ARHGAP15: variants seen among roughly 807,000 people sequenced by gnomAD.
ARHGAP15 encodes Rho GTPase activating protein 15.
A neutral mutation model predicts 63.7 loss-of-function variants in ARHGAP15; 51 were observed. The ratio of observed to expected loss-of-function variants is 0.80; its 90% CI spans 0.64 to 1.01. The LOEUF (loss-of-function observed/expected upper bound fraction) is 1.01, where lower values mean the gene tolerates loss of function less well. ARHGAP15 is among the 50% of genes least tolerant of loss of function. The probability of loss-of-function intolerance (pLI) is 0.00; values close to 1 mark genes in which losing one functional copy is unlikely to be tolerated. For synonymous variants in ARHGAP15, 191 were observed against 193.8 expected (o/e 0.99, Z 0.12); for missense variants, 560 against 564.6 (o/e 0.99, Z 0.08).
At chr2:143,315,383 T>C (rs1683653704) in intron 6 of ARHGAP15, among the ~76,000 whole-genome samples, 1 of 152,230 alleles carries the variant, frequency 6.6e-6, no homozygotes, top group Non-Finnish European at 1.5e-5. Context: ...CCAATTCTAT[T>C]AATTTGTCAT....
chr2:143,651,993 C>T (rs10209245), intron 12 of ARHGAP15, among the ~76,000 whole-genome samples: 123,726 of 151,930 alleles, frequency 0.81, 52,359 homozygotes, highest in South Asian at 0.96. Context: ...TTTGTCATCT[C>T]TGCATTTTTA....
At chr2:143,657,093 T>C (rs781563224) in intron 12 of ARHGAP15, among the ~76,000 whole-genome samples, 3 of 152,180 alleles carry the variant, frequency 2.0e-5, no homozygotes, top group Non-Finnish European at 4.4e-5. Flanking sequence ...ACGCCTGTAA[T>C]CCCAGCACTT....
At chr2:143,322,153 A>C (rs934240985) in intron 6 of ARHGAP15, among the ~76,000 whole-genome samples, 1 of 151,524 alleles carries the variant, frequency 6.6e-6, no homozygotes, top group Non-Finnish European at 1.5e-5. Flanking sequence ...CCGCTCAACC[A>C]CTCCCTGCCA....
chr2:143,589,737 G>T (rs943547496), intron 11 of ARHGAP15, among the ~76,000 whole-genome samples: 2 of 152,124 alleles, frequency 1.3e-5, no homozygotes, highest in Non-Finnish European at 2.9e-5. Flanking sequence ...ATATAAAGAT[G>T]GGTAGGATGA....
chr2:143,351,209 C>G (rs1685554700), intron 6 of ARHGAP15: 1 of 152,174 alleles, frequency 6.6e-6, no homozygotes, highest in East Asian at 1.9e-4. Context: ...ATAAGGACTA[C>G]TAGTCTATTC....
intron 6 of ARHGAP15, among the ~76,000 whole-genome samples, chr2:143,383,196 A>G (rs1050807717): frequency 1.3e-5 from 2 of 152,204 alleles, no homozygotes; most frequent in Non-Finnish European, 2.9e-5. Flanking sequence ...TAGAAATGAC[A>G]TTTCAGAACT....
chr2:143,306,484 A>G (rs1683176453), intron 6 of ARHGAP15, among the ~76,000 whole-genome samples: 3 of 152,160 alleles, frequency 2.0e-5, no homozygotes, highest in Admixed American at 2.0e-4. Context: ...GCTAATAATC[A>G]TATATAATAA....
intron 9 of ARHGAP15, among the ~76,000 whole-genome samples, chr2:143,511,115 A>G (rs2104959708): frequency 6.6e-6 from 1 of 152,366 alleles, no homozygotes; most frequent in East Asian, 1.9e-4. Context: ...TGGAAGACTT[A>G]ACCTGGTTAT....
intron 2 of ARHGAP15, among the ~76,000 whole-genome samples, chr2:143,158,666 G>A (rs1690175228): frequency 6.6e-6 from 1 of 151,910 alleles, no homozygotes; most frequent in Admixed American, 6.6e-5. Flanking sequence ...AGAGAGATCT[G>A]GAGAGCTCCC....
intron 1 of ARHGAP15, among the ~76,000 whole-genome samples, chr2:143,154,184 A>G (rs1689989253): frequency 6.6e-6 from 1 of 151,744 alleles, no homozygotes; most frequent in Non-Finnish European, 1.5e-5. Flanking sequence ...TTTAATGGCT[A>G]TTTTATAGGA....
At chr2:143,135,257 A>G (rs1350699435) in intron 1 of ARHGAP15, among the ~76,000 whole-genome samples, 1 of 152,224 alleles carries the variant, frequency 6.6e-6, no homozygotes, top group Non-Finnish European at 1.5e-5. Flanking sequence ...TGATGAAAGC[A>G]TTTTCTGCAT....
intron 1 of ARHGAP15, among the ~76,000 whole-genome samples, chr2:143,134,551 A>T (rs887439448): frequency 6.6e-6 from 1 of 152,180 alleles, no homozygotes; most frequent in African/African-American, 2.4e-5. Flanking sequence ...TAGTGACTTT[A>T]GTGACACTCA....
chr2:143,158,741 A>G (rs892873718), intron 2 of ARHGAP15, among the ~76,000 whole-genome samples: 8 of 152,046 alleles, frequency 5.3e-5, no homozygotes, highest in Non-Finnish European at 1.5e-5. Context: ...CACCAGAGTG[A>G]GACCTCTTAA....
intron 13 of ARHGAP15, among the ~76,000 whole-genome samples, chr2:143,713,863 G>T (rs1023645380): frequency 2.0e-5 from 3 of 152,190 alleles, no homozygotes; most frequent in African/African-American, 7.2e-5. Flanking sequence ...AGGCAGCTCT[G>T]CCCCTGTGGC....
chr2:143,191,893 C>T (rs1691696168), intron 2 of ARHGAP15, among the ~76,000 whole-genome samples: 1 of 152,162 alleles, frequency 6.6e-6, no homozygotes. Context: ...TAAAAATGTG[C>T]TGCCTTGAAG....
chr2:143,260,941 T>C (rs921289075), intron 6 of ARHGAP15, among the ~76,000 whole-genome samples: 1 of 152,176 alleles, frequency 6.6e-6, no homozygotes, highest in Non-Finnish European at 1.5e-5. Context: ...CGATAATGAT[T>C]ATATCCCTGT....
At chr2:143,403,713 T>C (rs1688081429) in intron 6 of ARHGAP15, among the ~76,000 whole-genome samples, 1 of 151,986 alleles carries the variant, frequency 6.6e-6, no homozygotes, top group African/African-American at 2.4e-5. Context: ...GAAGAGTGCA[T>C]GTGTATACGT....
chr2:143,678,900 A>G (rs554751676), intron 12 of ARHGAP15, among the ~76,000 whole-genome samples: 82 of 152,360 alleles, frequency 5.4e-4, no homozygotes, highest in Admixed American at 1.6e-3. Flanking sequence ...AAGCAATAAT[A>G]TCTATGAAAG....
chr2:143,663,927 C>A (rs1489688332), intron 12 of ARHGAP15, among the ~76,000 whole-genome samples: 1 of 152,026 alleles, frequency 6.6e-6, no homozygotes, highest in Admixed American at 6.5e-5. Context: ...CCTGAGTGAC[C>A]TACAAAGAGA....
Sources: gnomAD v4.1 joint callset for allele counts (sites outside exome capture counted in the v4.1 genomes callset) on GRCh38, gnomAD v4.1.1 for gene constraint, MANE v1.5 for transcripts, NCBI Gene and HGNC (gene_info 2026-07-23, HGNC 2026-07-21) for gene names.